The following AGMO variants were observed in gnomAD, a reference collection of about 807,000 sequenced individuals.
AGMO encodes the protein alkylglycerol monooxygenase, also known as glyceryl-ether monooxygenase.
Under a neutral mutation model 60.2 loss-of-function variants are expected in AGMO, and 75 were observed. The observed-to-expected ratio is 1.25, with a 90% CI of 1.03 to 1.51. The LOEUF is 1.51. Ranked by LOEUF, AGMO falls within the 40% of genes most tolerant of loss-of-function variation. AGMO has a pLI of 0.00. For synonymous variants in AGMO, 261 were observed against 177.1 expected (o/e 1.47, Z -3.76); for missense variants, 763 against 525.5 (o/e 1.45, Z -4.42).
intron 12 of AGMO, among the ~76,000 whole-genome samples, chr7:15,332,983 T>C (rs1781543585): frequency 1.3e-5 from 2 of 152,138 alleles, no homozygotes; most frequent in Admixed American, 6.6e-5. Flanking sequence ...CCTGCCTTAA[T>C]TTGAAATCTC....
rs952791486 is a variant in AGMO at position 15,271,478 on chromosome 7, G to T, written c.1264-70119C>A. On this transcript the variant is annotated intron_variant, in intron 12 of 12. Coordinates refer to ENST00000342526, the MANE Select transcript of AGMO (RefSeq NM_001004320.2). ...TTTGGTTCTCAGGTTGATCATTATT[G>T]ATGTATAGCAATATTAACTATCTTT... Among the ~76,000 whole-genome samples the T allele has an allele frequency of 5.3e-5, 8 of 152,174 alleles. No homozygotes were observed. In the South Asian group the frequency reaches 1.7e-3, roughly 32 times the overall value.
At chr7:15,140,777 G>T in the AGMO span, among the ~76,000 whole-genome samples, 192 of 151,678 alleles carry the variant, frequency 1.3e-3, no homozygotes, top group African/African-American at 4.5e-3. Context: ...TTTGCTAATT[G>T]TTCCTTTCTA....
At chr7:15,346,763 T>C (rs931124645) in intron 12 of AGMO, among the ~76,000 whole-genome samples, 6 of 151,958 alleles carry the variant, frequency 3.9e-5, no homozygotes, top group African/African-American at 1.4e-4. Flanking sequence ...GAAAACATTT[T>C]AGTGCAGAAT....
the AGMO span, among the ~76,000 whole-genome samples, chr7:15,123,210 G>C: frequency 6.6e-6 from 1 of 151,916 alleles, no homozygotes; most frequent in African/African-American, 2.4e-5. Context: ...TCTCTATTTT[G>C]ATTTACAACT....
chr7:15,529,440 T>A (rs1429845597), intron 3 of AGMO, among the ~76,000 whole-genome samples: 1 of 146,240 alleles, frequency 6.8e-6, no homozygotes. Context: ...TAAAACAACA[T>A]CAACAAAAAA....
At position 15,322,567 on chromosome 7, in the gene AGMO, T is replaced by TATATATAAATATATATAA. The variant is rs1563086337; in HGVS notation, c.1263+42929_1263+42946dup. On this transcript the variant is annotated intron_variant, in intron 12 of 12. Transcript: ENST00000342526. ...ATATAAATATATATAAATATATAAA[T>TATATATAAATATATATAA]ATATATAAATATATATAAATATATA... Among the ~76,000 whole-genome samples, 9 of 40,052 alleles carry TATATATAAATATATATAA rather than the reference T, an allele frequency of 2.2e-4. 2 individuals are homozygous for TATATATAAATATATATAA. The highest frequency in any genetic ancestry group is 7.8e-4 in the South Asian group (1 of 1,282). 26.3% of individuals were successfully genotyped at this position (40,052 alleles called of 152,430 possible).
chr7:15,452,297 C>T (rs1012222741), intron 3 of AGMO, among the ~76,000 whole-genome samples: 2 of 151,558 alleles, frequency 1.3e-5, no homozygotes, highest in African/African-American at 4.9e-5. Flanking sequence ...ATTGAAAAAA[C>T]AATCCACAGA....
the AGMO span, among the ~76,000 whole-genome samples, chr7:15,130,466 GC>G: frequency 6.6e-6 from 1 of 151,652 alleles, no homozygotes; most frequent in Non-Finnish European, 1.5e-5. Flanking sequence ...CTCCACTCAG[GC>G]CCCCTAAAAA....
At chr7:15,356,526 T>C (rs1782535539) in intron 12 of AGMO, among the ~76,000 whole-genome samples, 1 of 151,990 alleles carries the variant, frequency 6.6e-6, no homozygotes, top group South Asian at 2.1e-4. Context: ...TAATGATACC[T>C]TGAAGAAAAT....
At chr7:15,499,644 A>G (rs1418744932) in intron 3 of AGMO, among the ~76,000 whole-genome samples, 1 of 151,722 alleles carries the variant, frequency 6.6e-6, no homozygotes, top group Non-Finnish European at 1.5e-5. Flanking sequence ...TCTAAAATCC[A>G]TAATGTCTTA....
intron 4 of AGMO, among the ~76,000 whole-genome samples, chr7:15,426,033 T>A (rs1220137645): frequency 6.6e-6 from 1 of 152,214 alleles, no homozygotes; most frequent in Non-Finnish European, 1.5e-5. Flanking sequence ...ATAAAACAAA[T>A]ATGTTCAAAT....
intron 12 of AGMO, among the ~76,000 whole-genome samples, chr7:15,207,919 G>A (rs1222641024): frequency 6.6e-6 from 1 of 152,166 alleles, no homozygotes; most frequent in African/African-American, 2.4e-5. Flanking sequence ...GGGTGACAGT[G>A]CGAGACTCTG....
At chr7:15,560,957 G>C (rs1454193647) in intron 1 of AGMO, among the ~76,000 whole-genome samples, 1 of 152,120 alleles carries the variant, frequency 6.6e-6, no homozygotes, top group African/African-American at 2.4e-5. Flanking sequence ...TAAAAACTCA[G>C]AAAGAAAGTG....
In AGMO at chr7:15,240,251, T is replaced by C. The variant is rs187142900; in HGVS notation, c.1264-38892A>G. 4.6e-5 allele frequency among the ~76,000 whole-genome samples: 7 copies of C among 152,302 alleles called. No individual in the cohort carries two copies. In the East Asian group the frequency reaches 7.7e-4, roughly 17 times the overall value. ...CGACAAGTTAAGTTTGAATTGTAGA[T>C]AAACCATAAATATATTTTTAGCATA... is the stretch of plus-strand genomic sequence containing the variant. On this transcript the variant is annotated intron_variant, in intron 12 of 12. Transcript: ENST00000342526.
At chr7:15,295,069 AATT>A (rs1480434962) in intron 12 of AGMO, among the ~76,000 whole-genome samples, 1 of 151,932 alleles carries the variant, frequency 6.6e-6, no homozygotes, top group African/African-American at 2.4e-5. Flanking sequence ...CTATGAACAT[AATT>A]ATAATTGCAA....
At chr7:15,122,932 A>T in the AGMO span, among the ~76,000 whole-genome samples, 1 of 152,086 alleles carries the variant, frequency 6.6e-6, no homozygotes, top group Admixed American at 6.6e-5. Flanking sequence ...CACTCAGAGT[A>T]AAAAACAAAG....
intron 10 of AGMO, among the ~76,000 whole-genome samples, chr7:15,382,137 C>T (rs1020357748): frequency 2.0e-5 from 3 of 152,062 alleles, no homozygotes; most frequent in Admixed American, 2.0e-4. Flanking sequence ...ACCTATGTAA[C>T]AAAACTGCAC....
intron 5 of AGMO, among the ~76,000 whole-genome samples, chr7:15,412,327 G>C (rs1780637360): frequency 6.6e-6 from 1 of 151,960 alleles, no homozygotes; most frequent in Non-Finnish European, 1.5e-5. Flanking sequence ...TTTCCTGATA[G>C]TTTGTCAATT....
intron 12 of AGMO, among the ~76,000 whole-genome samples, chr7:15,253,525 T>G (rs1783003586): frequency 6.6e-6 from 1 of 152,116 alleles, no homozygotes. Flanking sequence ...AATAATGAAT[T>G]TGAAGTGAGA....
Sources: allele counts gnomAD v4.1 joint callset (sites outside exome capture counted in the v4.1 genomes callset), GRCh38; gene constraint gnomAD v4.1.1; transcripts MANE v1.5; gene names NCBI Gene and HGNC (gene_info 2026-07-23, HGNC 2026-07-21).